The following COL6A3 variants were observed in gnomAD, a reference collection of about 807,000 sequenced individuals.
The protein encoded by COL6A3 is collagen alpha-3(VI) chain.
Under a neutral mutation model 274.1 loss-of-function variants are expected in COL6A3, and 137 were observed. The ratio of observed to expected loss-of-function variants is 0.50; its 90% CI spans 0.44 to 0.58. COL6A3 has a LOEUF of 0.58. COL6A3 is among the 20% of genes least tolerant of loss of function. The pLI, the probability that COL6A3 is intolerant of heterozygous loss-of-function variation, is 0.00. For synonymous variants in COL6A3, 1,650 were observed against 1,650.6 expected (o/e 1.00, Z 0.01); for missense variants, 3,950 against 4,124.9 (o/e 0.96, Z 1.16).
Position 237,376,959 on chromosome 2 carries a change from A to G in COL6A3, c.2883T>C (p.Ser961=), listed in dbSNP as rs751632509. ...RSSDRVDGPA[S]NLKQSGVVPF... ...GCACAACCCCACTCTGCTTCAGGTTACTTGCTGGCCCATCCACACGGTCAG... is the reference window on the plus strand; with the variant it reads ...GCACAACCCCACTCTGCTTCAGGTTGCTTGCTGGCCCATCCACACGGTCAG... The change falls in exon 7 of 44, where the codon AGT becomes AGC. Residue 961 remains serine, a synonymous_variant. Transcript: ENST00000295550. 3 of 1,614,220 alleles carry G rather than the reference A, an allele frequency of 1.9e-6. No homozygotes were observed. Among genetic ancestry groups the G allele is most frequent in the East Asian group, 2.2e-5 (1 of 44,886 alleles).
In COL6A3 at chr2:237,366,070, C is replaced by G. The variant is rs369792383; in HGVS notation, c.5501-35G>C. 2.9e-5 allele frequency: 47 copies of G among 1,596,902 alleles called. No individual in the cohort carries two copies. In the African/African-American group the frequency reaches 5.9e-4, roughly 20 times the overall value. On this transcript the variant is annotated intron_variant, in intron 11 of 43. Transcript: ENST00000295550. The stretch of plus-strand genomic sequence containing the variant: ...AGAAATGCAGGTGATGAGTTCTCAG[C>G]TGGGGCTGAGGAGACGAACTCTACT...
chr2:237,346,295 A>C (rs2077095867), intron 32 of COL6A3, among the ~76,000 whole-genome samples: 1 of 152,244 alleles, frequency 6.6e-6, no homozygotes, highest in African/African-American at 2.4e-5. Flanking sequence ...AGGATATCCC[A>C]TGAAACCTAT....
At chr2:237,347,603 A>T (rs2077122635) in intron 31 of COL6A3, among the ~76,000 whole-genome samples, 2 of 152,180 alleles carry the variant, frequency 1.3e-5, no homozygotes, top group South Asian at 4.1e-4. Context: ...GAAGAGGAAT[A>T]CACCTACAGG....
chr2:237,361,522 C>T lies in COL6A3; in HGVS notation c.6156+217G>A, dbSNP rs1255843739. ...AAAGCACAGATCCCCTTATCCTGTGCAAAAGGAGGGTCCCGCCTGAACCAT... is the reference window on the plus strand; with the variant it reads ...AAAGCACAGATCCCCTTATCCTGTGTAAAAGGAGGGTCCCGCCTGAACCAT... On this transcript the variant is annotated intron_variant, in intron 15 of 43. Transcript: ENST00000295550. The surrounding 1 kb of genome is among the most constrained non-coding windows in gnomAD (Gnocchi z 5.1). 1.3e-5 allele frequency among the ~76,000 whole-genome samples: 2 copies of T among 152,196 alleles called. No individual in the cohort carries two copies.
rs575606366 is a variant in COL6A3 at position 237,411,633 on chromosome 2, G to A, written c.-31+2320C>T. 7.9e-5 allele frequency among the ~76,000 whole-genome samples: 12 copies of A among 152,304 alleles called. No homozygotes were observed. The East Asian group carries it at 1.5e-3, about 20-fold the overall frequency. On this transcript the variant is annotated intron_variant, in intron 1 of 43. Coordinates refer to ENST00000295550, the MANE Select transcript of COL6A3 (RefSeq NM_004369.4). ...TTCTTCCTACTTTCTCATCGGGGAC[G>A]TATTAAGTTCTAGGATAGGAAATCA...
At position 237,351,149 on chromosome 2, in the gene COL6A3, G is replaced by A. The variant is rs1221025563; in HGVS notation, c.6797C>T (p.Thr2266Ile). 6.2e-7 allele frequency: 1 copy of A among 1,614,244 alleles called. No homozygotes were observed. The highest frequency in any genetic ancestry group is 1.1e-5 in the South Asian group (1 of 91,080). The change falls in exon 27 of 44, where the codon ACC becomes ATC. Residue 2266 changes from threonine (T) to isoleucine (I), a missense_variant. By Grantham distance (89) the Thr-to-Ile change is moderately conservative. This residue lies in a region of COL6A3 where 1,284 missense variants were observed against 1,349.7 expected (regional missense o/e 0.95). Coordinates refer to ENST00000295550, the MANE Select transcript of COL6A3 (RefSeq NM_004369.4). ...ACAAACCTTTCTTCCCAGTGGACCG[G>A]TTCTGCCTCGTTCTCCAGGAGCACC... Reference protein sequence around the residue: ...AAGAPGERGRTGPLGRKGEPG... With the variant: ...AAGAPGERGRIGPLGRKGEPG...
Position 237,336,253 on chromosome 2 carries a change from T to C in COL6A3, c.8847A>G (p.Pro2949=), listed in dbSNP as rs765579349. The change falls in exon 40 of 44, where the codon CCA becomes CCG. Residue 2949 remains proline (P), a synonymous_variant. Transcript: ENST00000295550. ...CAGCAGCGGGGGGTCTTACAGCTGC[T>C]GGCTTTGCTGCTACAGGCTTCGCTG... ...ATAAKPVAAK[P]AAVRPPAAAA... The C allele has an allele frequency of 6.2e-6, 10 of 1,614,076 alleles. No individual in the cohort carries two copies. In the South Asian group the frequency reaches 1.1e-4, roughly 18 times the overall value.
chr2:237,362,243 T>A (rs567209897), intron 14 of COL6A3, among the ~76,000 whole-genome samples: 1 of 152,322 alleles, frequency 6.6e-6, no homozygotes, highest in Non-Finnish European at 1.5e-5. Flanking sequence ...CAGATATCCA[T>A]GACCACCCTT....
chr2:237,333,728 G>C (rs113745777), intron 41 of COL6A3, among the ~76,000 whole-genome samples, 180 bp from the exon 42 acceptor site: 17 of 152,310 alleles, frequency 1.1e-4, no homozygotes, highest in African/African-American at 3.8e-4. Flanking sequence ...GCTACAAGTT[G>C]GATCCATGAG....
chr2:237,325,836 A>G, intron 42 of COL6A3, 112 bp from the exon 43 acceptor site: 1 of 895,888 alleles, frequency 1.1e-6, no homozygotes, highest in Non-Finnish European at 1.7e-6. Context: ...AAAAAAAAGA[A>G]GAGCTTCCAG....
rs559722705 is a variant in COL6A3, at chr2:237,324,447, C to T, written c.*327G>A. On this transcript the variant is annotated 3_prime_UTR_variant, in exon 44 of 44. Coordinates refer to ENST00000295550, the MANE Select transcript of COL6A3 (RefSeq NM_004369.4). ...CATTTGCATTATTTTCTAGACTTTA[C>T]ATTTGCCTGCAACAGGCATAACATG... The T allele has an allele frequency of 1.4e-4, 44 of 309,082 alleles. No homozygotes were observed. Among genetic ancestry groups the T allele is most frequent in the Non-Finnish European group, 2.0e-4 (32 of 161,994 alleles). The allele number at this position is 309,082 out of a possible 1,614,324, so 19.1% of individuals were successfully genotyped here.
At chr2:237,352,993 A>G (rs1021892772) in intron 25 of COL6A3, among the ~76,000 whole-genome samples, 1 of 152,230 alleles carries the variant, frequency 6.6e-6, no homozygotes, top group Non-Finnish European at 1.5e-5. Flanking sequence ...ATGAAGCTCA[A>G]GAACATGATG....
chr2:237,380,175 A>G (rs1266418423), intron 5 of COL6A3, among the ~76,000 whole-genome samples: 2 of 152,222 alleles, frequency 1.3e-5, no homozygotes, highest in Non-Finnish European at 2.9e-5. Context: ...AAGAGAAAGC[A>G]TGCATCCAGG....
chr2:237,370,242 T>C (rs1420419195), intron 9 of COL6A3, among the ~76,000 whole-genome samples: 1 of 141,440 alleles, frequency 7.1e-6, no homozygotes, highest in African/African-American at 2.7e-5. Flanking sequence ...CTGGTTTAAT[T>C]TTTTTTTTTT....
rs2077505336 is a variant in COL6A3, at chr2:237,364,490, T to C, written c.5839-62A>G. On this transcript the variant is annotated intron_variant, in intron 12 of 43. Transcript: ENST00000295550. This position sits in a 1 kb window ranked among gnomAD's most constrained non-coding sequence, Gnocchi z 4.6. ...AAAAAGGAGTGTTGCAGACTGCTGATAGAAAACTGAGAGACTCGCTGTCTC... is the reference window on the plus strand; with the variant it reads ...AAAAAGGAGTGTTGCAGACTGCTGACAGAAAACTGAGAGACTCGCTGTCTC... 5.4e-6 allele frequency: 7 copies of C among 1,301,522 alleles called. No individual in the cohort carries two copies. In the Admixed American group the frequency reaches 6.7e-5, roughly 12 times the overall value. 80.6% of individuals were successfully genotyped at this position (1,301,522 alleles called of 1,614,324 possible).
At chr2:237,358,387 A>G in intron 21 of COL6A3, 134 bp downstream of exon 21, 1 of 803,772 alleles carries the variant, frequency 1.2e-6, no homozygotes, top group Non-Finnish European at 2.1e-6. Flanking sequence ...AAACTGCAAG[A>G]AAAAGACAAA....
chr2:237,356,003 G>A (rs2077309675), intron 23 of COL6A3, among the ~76,000 whole-genome samples: 2 of 152,204 alleles, frequency 1.3e-5, no homozygotes, highest in Admixed American at 1.3e-4. Context: ...GAAGCCCAGT[G>A]GGAGGGACAC....
chr2:237,359,524 T>G, intron 17 of COL6A3, 136 bp from the exon 18 acceptor site: 1 of 935,900 alleles, frequency 1.1e-6, no homozygotes, highest in Non-Finnish European at 1.8e-6. Flanking sequence ...ATTAGAGTCC[T>G]ACCCCTTTGG....
intron 25 of COL6A3, 141 bp downstream of exon 25, chr2:237,353,200 C>T: frequency 1.2e-6 from 1 of 808,520 alleles, no homozygotes; most frequent in Admixed American, 2.0e-5. Flanking sequence ...GTGATGATTG[C>T]ACAGCATTGT....
Sources: gnomAD v4.1 joint callset for allele counts (sites outside exome capture counted in the v4.1 genomes callset) on GRCh38, gnomAD v4.1.1 for gene constraint, gnomAD v4.1.1 regional missense constraint, Gnocchi (gnomAD v3.1) non-coding constraint, MANE v1.5 for transcripts, NCBI Gene and HGNC (gene_info 2026-07-23, HGNC 2026-07-21) for gene names.